Variants in KCNK9 observed in about 807,000 individuals in gnomAD.
KCNK9 encodes the protein potassium two pore domain channel subfamily K member 9.
In KCNK9, 1 loss-of-function variant was observed where a neutral mutation model predicts 10.8. That is an observed-to-expected ratio of 0.09 (90% CI 0.03 to 0.44). KCNK9 has a LOEUF of 0.44. KCNK9 is among the 20% of genes least tolerant of loss of function. The pLI, the probability that KCNK9 is intolerant of heterozygous loss-of-function variation, is 0.97. For missense variants in KCNK9, 303 were observed against 515.0 expected (o/e 0.59, Z 3.98); for synonymous variants, 231 against 222.7 (o/e 1.04, Z -0.33).
At chr8:139,628,461 C>G (rs915755328) in intron 1 of KCNK9, among the ~76,000 whole-genome samples, 1 of 152,176 alleles carries the variant, frequency 6.6e-6, no homozygotes, top group African/African-American at 2.4e-5. Context: ...GGCCCTGGCC[C>G]CTTCCACAGA....
chr8:139,636,070 T>G (rs1563727545), intron 1 of KCNK9, among the ~76,000 whole-genome samples: 3 of 152,212 alleles, frequency 2.0e-5, no homozygotes, highest in Admixed American at 6.5e-5. Context: ...ATTCTGTTCA[T>G]TCCATGTACA....
intron 1 of KCNK9, among the ~76,000 whole-genome samples, chr8:139,625,094 G>A (rs531265360): frequency 7.2e-5 from 11 of 152,198 alleles, no homozygotes; most frequent in South Asian, 2.1e-4. Flanking sequence ...TCCCCTCACC[G>A]AGAGCTGGGC....
chr8:139,675,718 C>T (rs762772165), intron 1 of KCNK9, among the ~76,000 whole-genome samples: 15 of 152,124 alleles, frequency 9.9e-5, no homozygotes, highest in East Asian at 1.9e-4. Flanking sequence ...GCTGACCCCC[C>T]GCCTAGAGAG....
exon 3 of KCNK9, chr8:139,601,598 G>A (rs895700323): frequency 5.9e-5 from 9 of 152,258 alleles, no homozygotes; most frequent in Admixed American, 1.3e-4. Context: ...CCGCCTGCAC[G>A]GTCCTGTTTT....
In KCNK9 at chr8:139,639,470, G is replaced by A. The variant is rs765131975; in HGVS notation, c.284-20371C>T. Among the ~76,000 whole-genome samples the A allele has an allele frequency of 4.6e-5, 7 of 152,180 alleles. No homozygotes were observed. The East Asian group carries it at 5.8e-4, about 13-fold the overall frequency. On this transcript the variant is annotated intron_variant, in intron 1 of 1. Coordinates refer to ENST00000520439, the MANE Select transcript of KCNK9 (RefSeq NM_001282534.2). ...CTCCCTTCTCTGTCCCAAAGCACCC[G>A]TGGAGACTCAGGCCCACAGCTGGAG...
intron 1 of KCNK9, among the ~76,000 whole-genome samples, chr8:139,667,419 C>T (rs553221708): frequency 5.9e-5 from 9 of 152,324 alleles, no homozygotes; most frequent in East Asian, 5.8e-4. Flanking sequence ...TCCCCACAGC[C>T]GGGCGCAGTG....
chr8:139,695,739 C>T (rs1408905772), intron 1 of KCNK9, among the ~76,000 whole-genome samples: 2 of 36,200 alleles, frequency 5.5e-5, no homozygotes, highest in East Asian at 8.6e-4. Flanking sequence ...ATGCCCACTG[C>T]CTTTCCTTTA....
At position 139,658,690 on chromosome 8, in the gene KCNK9, C is replaced by A. The variant is rs1346000481; in HGVS notation, c.284-39591G>T. ...AACCAGATGTGTCCTCAGGGACTAG[C>A]TCTGTGAAACTGGCAGACTCCAGAG... On this transcript the variant is annotated intron_variant, in intron 1 of 1. Coordinates refer to ENST00000520439, the MANE Select transcript of KCNK9 (RefSeq NM_001282534.2). Among the ~76,000 whole-genome samples the A allele has an allele frequency of 2.0e-5, 3 of 152,230 alleles. No homozygotes were observed. The East Asian group carries it at 5.8e-4, about 29-fold the overall frequency.
At chr8:139,602,107 C>G (rs1174095825) in intron 2 of KCNK9, 2 of 152,262 alleles carry the variant, frequency 1.3e-5, no homozygotes, top group Non-Finnish European at 2.9e-5. Context: ...TCACACAGTT[C>G]AGGTTGCAGC....
chr8:139,630,794 G>A (rs990343936), intron 1 of KCNK9, among the ~76,000 whole-genome samples: 1 of 152,320 alleles, frequency 6.6e-6, no homozygotes, highest in Non-Finnish European at 1.5e-5. Flanking sequence ...AGAAGGCTGC[G>A]GTCAAGGCAC....
chr8:139,637,988 G>T (rs1471053342), intron 1 of KCNK9, among the ~76,000 whole-genome samples: 1 of 152,022 alleles, frequency 6.6e-6, no homozygotes, highest in Non-Finnish European at 1.5e-5. Flanking sequence ...ACATGTGCAG[G>T]TCAAACATAT....
Position 139,703,091 on chromosome 8 carries a change from C to T in KCNK9, c.-99G>A, listed in dbSNP as rs1458788895. The T allele has an allele frequency of 2.2e-6, 2 of 899,236 alleles. No homozygotes were observed. Among genetic ancestry groups the T allele is most frequent in the East Asian group, 3.7e-5 (1 of 27,328 alleles). The allele number at this position is 899,236 out of a possible 1,614,324, so 55.7% of individuals were successfully genotyped here. ...CGGCGGCCGCCGCCGCCTCCTCCTC[C>T]GCCGCCGCCGCCGCCGCCTCCAAGT... On this transcript the variant is annotated 5_prime_UTR_variant, in exon 1 of 2. Transcript: ENST00000520439. The surrounding 1 kb of genome is among the most constrained non-coding windows in gnomAD (Gnocchi z 6.4).
chr8:139,641,045 G>A (rs1038302273), intron 1 of KCNK9, among the ~76,000 whole-genome samples: 11 of 152,166 alleles, frequency 7.2e-5, no homozygotes, highest in African/African-American at 2.4e-4. Flanking sequence ...CCAGGGAATC[G>A]CCCTGCCCAG....
In KCNK9 at chr8:139,693,073, G is replaced by T. The variant is rs1816968445; in HGVS notation, c.283+9637C>A. 6.6e-6 allele frequency among the ~76,000 whole-genome samples: 1 copy of T among 152,120 alleles called. No homozygotes were observed. Among genetic ancestry groups the T allele is most frequent in the Non-Finnish European group, 1.5e-5 (1 of 68,030 alleles). The stretch of plus-strand genomic sequence containing the variant: ...AGCCCCACCTGACAAGCTCATCCCA[G>T]ATGTATGCCCACCTTCCACACCTCT... On this transcript the variant is annotated intron_variant, in intron 1 of 1. Coordinates refer to ENST00000520439, the MANE Select transcript of KCNK9 (RefSeq NM_001282534.2). This position sits in a 1 kb window ranked among gnomAD's most constrained non-coding sequence, Gnocchi z 4.1.
chr8:139,680,527 T>A (rs1427086153), intron 1 of KCNK9, among the ~76,000 whole-genome samples: 1 of 152,064 alleles, frequency 6.6e-6, no homozygotes, highest in Non-Finnish European at 1.5e-5. Flanking sequence ...ATGGAGGAGA[T>A]CAGAGGAGGA....
chr8:139,677,734 C>T lies in KCNK9; in HGVS notation c.283+24976G>A, dbSNP rs797010827. On this transcript the variant is annotated intron_variant, in intron 1 of 1. Transcript: ENST00000520439. ...TACCTCACATCCCAGCCCAACGGGTCCCTACAGCTTCAGAGTAATACCTCA... is the reference window on the plus strand; with the variant it reads ...TACCTCACATCCCAGCCCAACGGGTTCCTACAGCTTCAGAGTAATACCTCA... Among the ~76,000 whole-genome samples, 417 of 60,178 alleles carry T rather than the reference C, an allele frequency of 6.9e-3. 11 individuals are homozygous for T. Among genetic ancestry groups the T allele is most frequent in the African/African-American group, 0.021 (383 of 18,014 alleles). 39.5% of individuals were successfully genotyped at this position (60,178 alleles called of 152,430 possible). A position where few individuals can be genotyped will look rare whatever the true frequency, so the allele number is the denominator to read the frequency against.
downstream of KCNK9, among the ~76,000 whole-genome samples, chr8:139,613,199 CTGAG>C (rs1814485566): frequency 6.6e-6 from 1 of 152,186 alleles, no homozygotes; most frequent in Non-Finnish European, 1.5e-5. Context: ...GTCCAAACAT[CTGAG>C]TGAGAGTTGG....
chr8:139,622,223 T>G lies in KCNK9; in HGVS notation c.284-3124A>C, dbSNP rs114858777. Among the ~76,000 whole-genome samples the G allele has an allele frequency of 9.0e-3, 1,364 of 152,326 alleles. 23 individuals carry two copies. The highest frequency in any genetic ancestry group is 0.032 in the African/African-American group (1,311 of 41,552). ...TGAACAGCGCTGAGGTTCAGGGGTC[T>G]TCCCCATTAACACATTTCCTGTGGT... On this transcript the variant is annotated intron_variant, in intron 1 of 1. Transcript: ENST00000520439.
intron 1 of KCNK9, among the ~76,000 whole-genome samples, chr8:139,650,160 T>G (rs536530758): frequency 4.1e-4 from 62 of 152,282 alleles, no homozygotes; most frequent in Non-Finnish European, 6.8e-4. Context: ...CTCCCCCAAG[T>G]AAGATCCAAA....
Sources: gnomAD v4.1 joint callset for allele counts (sites outside exome capture counted in the v4.1 genomes callset) on GRCh38, gnomAD v4.1.1 for gene constraint, Gnocchi (gnomAD v3.1) non-coding constraint, MANE v1.5 for transcripts, NCBI Gene and HGNC (gene_info 2026-07-23, HGNC 2026-07-21) for gene names.